The following PHF24 variants were observed in gnomAD, a reference collection of about 807,000 sequenced individuals.
PHF24 encodes the protein PHD finger protein 24.
In PHF24, 25 loss-of-function variants were observed where a neutral mutation model predicts 42.6. The ratio of observed to expected loss-of-function variants is 0.59; its 90% CI spans 0.43 to 0.82. The LOEUF is 0.82. PHF24 is among the 40% of genes least tolerant of loss of function. The pLI, the probability that PHF24 is intolerant of heterozygous loss-of-function variation, is 0.00. For synonymous variants in PHF24, 185 were observed against 204.8 expected, an observed-to-expected ratio of 0.90 and a Z score of 0.83; for missense variants, 470 against 538.1, an observed-to-expected ratio of 0.87 and a Z score of 1.25.
chr9:34,712,398 C>G, the PHF24 span, among the ~76,000 whole-genome samples: 1 of 152,078 alleles, frequency 6.6e-6, no homozygotes, highest in Non-Finnish European at 1.5e-5. Context: ...CCTGTTCCCT[C>G]TCTTCTCCTC....
chr9:34,854,989 T>G, the PHF24 span, among the ~76,000 whole-genome samples: 1 of 152,224 alleles, frequency 6.6e-6, no homozygotes, highest in East Asian at 1.9e-4. Flanking sequence ...TTTAGGATAG[T>G]TAGCTCTTCT....
the PHF24 span, among the ~76,000 whole-genome samples, chr9:34,927,276 G>A: frequency 6.6e-6 from 1 of 152,176 alleles, no homozygotes; most frequent in Non-Finnish European, 1.5e-5. Flanking sequence ...CTGACGTATG[G>A]CATTCAGCCA....
At chr9:34,728,142 A>T in the PHF24 span, 1 of 1,477,602 alleles carries the variant, frequency 6.8e-7, no homozygotes, top group Non-Finnish European at 9.2e-7. Flanking sequence ...ATCCTATAGG[A>T]AGCTGAATAG....
the PHF24 span, among the ~76,000 whole-genome samples, chr9:34,937,454 G>A: frequency 6.6e-6 from 1 of 152,078 alleles, no homozygotes; most frequent in Non-Finnish European, 1.5e-5. Flanking sequence ...AAGGCAGCAG[G>A]CTCGTTAAGA....
At chr9:34,718,052 C>A in the PHF24 span, among the ~76,000 whole-genome samples, 1 of 152,146 alleles carries the variant, frequency 6.6e-6, no homozygotes, top group East Asian at 1.9e-4. Flanking sequence ...CCCTGACATA[C>A]CCCAGCTGCT....
At chr9:34,688,964 C>T in the PHF24 span, among the ~76,000 whole-genome samples, 7 of 152,188 alleles carry the variant, frequency 4.6e-5, no homozygotes, top group Non-Finnish European at 1.0e-4. Context: ...TGTGAGGGGC[C>T]ACTGCAGGAG....
the PHF24 span, among the ~76,000 whole-genome samples, chr9:34,688,703 G>A: frequency 1.3e-5 from 2 of 152,218 alleles, no homozygotes; most frequent in Non-Finnish European, 2.9e-5. Flanking sequence ...GTTTGGCTGA[G>A]AGAGGAAGGC....
chr9:34,834,015 G>A, the PHF24 span: 6 of 1,549,034 alleles, frequency 3.9e-6, no homozygotes, highest in African/African-American at 2.8e-5. Flanking sequence ...GACAAGACTC[G>A]GAGCAGCTTA....
the PHF24 span, among the ~76,000 whole-genome samples, chr9:34,741,440 G>A: frequency 1.3e-5 from 2 of 151,168 alleles, no homozygotes; most frequent in Non-Finnish European, 1.5e-5. Context: ...TTGGCTCACC[G>A]CAACCTCCAC....
the PHF24 span, among the ~76,000 whole-genome samples, chr9:34,778,335 A>T: frequency 3.9e-5 from 6 of 152,236 alleles, no homozygotes; most frequent in African/African-American, 1.4e-4. Flanking sequence ...AAATTGTCAG[A>T]TTGGGTTACA....
chr9:34,828,771 C>G, the PHF24 span, among the ~76,000 whole-genome samples: 1 of 152,132 alleles, frequency 6.6e-6, no homozygotes, highest in Non-Finnish European at 1.5e-5. Context: ...TTCTTCCTAC[C>G]TCACTGGCTA....
chr9:34,920,043 C>G, the PHF24 span, among the ~76,000 whole-genome samples: 1 of 152,198 alleles, frequency 6.6e-6, no homozygotes, highest in Admixed American at 6.5e-5. Flanking sequence ...TGATGATATA[C>G]TAATTTTCTT....
chr9:34,888,351 G>A, the PHF24 span, among the ~76,000 whole-genome samples: 1 of 152,156 alleles, frequency 6.6e-6, no homozygotes, highest in African/African-American at 2.4e-5. Context: ...GCCTGGCATA[G>A]TGCCTGCCAC....
the PHF24 span, among the ~76,000 whole-genome samples, chr9:34,758,357 G>C: frequency 6.6e-6 from 1 of 152,044 alleles, no homozygotes; most frequent in Admixed American, 6.6e-5. This position sits in a 1 kb window ranked among gnomAD's most constrained non-coding sequence, Gnocchi z 4.4. Flanking sequence ...GCTCCTGCTT[G>C]GGGCAGGACA....
the PHF24 span, among the ~76,000 whole-genome samples, chr9:34,783,131 C>T: frequency 6.6e-6 from 1 of 152,172 alleles, no homozygotes; most frequent in South Asian, 2.1e-4. Flanking sequence ...TTTGGATCTT[C>T]CTGCTCCTTG....
the PHF24 span, among the ~76,000 whole-genome samples, chr9:34,883,061 A>G: frequency 3.3e-5 from 5 of 152,228 alleles, no homozygotes; most frequent in East Asian, 1.9e-4. Context: ...ATAATGCCGC[A>G]TATCTACAAC....
At chr9:34,937,741 C>T in the PHF24 span, among the ~76,000 whole-genome samples, 68 of 152,216 alleles carry the variant, frequency 4.5e-4, no homozygotes, top group Admixed American at 1.4e-3. Flanking sequence ...GGAGGCCAAC[C>T]AAGGGCCAGG....
the PHF24 span, among the ~76,000 whole-genome samples, chr9:34,785,329 C>G: frequency 6.6e-6 from 1 of 152,222 alleles, no homozygotes; most frequent in Non-Finnish European, 1.5e-5. Flanking sequence ...GGAGAGCCTT[C>G]ATGACTTAAT....
the PHF24 span, among the ~76,000 whole-genome samples, chr9:34,929,977 T>C: frequency 2.0e-4 from 30 of 152,376 alleles, no homozygotes; most frequent in African/African-American, 7.2e-4. Flanking sequence ...TTGCATTTCA[T>C]GCTTAATTTG....
Sources: gnomAD v4.1 joint callset for allele counts (sites outside exome capture counted in the v4.1 genomes callset) on GRCh38, gnomAD v4.1.1 for gene constraint, Gnocchi (gnomAD v3.1) non-coding constraint, MANE v1.5 for transcripts, NCBI Gene and HGNC (gene_info 2026-07-23, HGNC 2026-07-21) for gene names.